Variants in MRPL47 observed in about 807,000 individuals in gnomAD.
MRPL47 encodes the protein large ribosomal subunit protein uL29m.
Under a neutral mutation model 34.0 loss-of-function variants are expected in MRPL47, and 31 were observed. The ratio of observed to expected loss-of-function variants is 0.91; its 90% CI spans 0.68 to 1.23. The LOEUF (loss-of-function observed/expected upper bound fraction) is 1.23. Ranked by LOEUF, MRPL47 falls within the 50% of genes most tolerant of loss-of-function variation. The pLI, the probability that MRPL47 is intolerant of heterozygous loss-of-function variation, is 0.00. For synonymous variants in MRPL47, 106 were observed against 101.6 expected, an observed-to-expected ratio of 1.04 and a Z score of -0.26; for missense variants, 328 against 285.8, an observed-to-expected ratio of 1.15 and a Z score of -1.07.
rs746088640 is a variant in MRPL47 at position 179,593,991 on chromosome 3, T to A, written c.403-96A>T. 2.9e-5 allele frequency: 34 copies of A among 1,156,262 alleles called. 1 individual carries two copies. In the Admixed American group the frequency reaches 6.0e-4, roughly 20 times the overall value. 71.6% of individuals were successfully genotyped at this position (1,156,262 alleles called of 1,614,324 possible). On this transcript the variant is annotated intron_variant, in intron 4 of 6. Coordinates refer to ENST00000476781, the MANE Select transcript of MRPL47 (RefSeq NM_020409.3). ...AAACACTTCTGCTACAGAAAACTTA[T>A]GAATATTTATGCCAAAGAACCACTC...
chr3:179,602,606 GGGGT>G, intron 2 of MRPL47, 42 bp downstream of exon 2: 1 of 866,102 alleles, frequency 1.2e-6, no homozygotes, highest in South Asian at 1.5e-5. Flanking sequence ...GGCGGGGGGG[GGGGT>G]TCCATAAATA....
chr3:179,598,232 C>G (rs746282810), intron 4 of MRPL47, among the ~76,000 whole-genome samples: 2 of 151,770 alleles, frequency 1.3e-5, no homozygotes, highest in Non-Finnish European at 2.9e-5. Context: ...ACCAAAGATA[C>G]AAAAATTAAC....
At chr3:179,591,109 C>A (rs1322991143) in intron 6 of MRPL47, among the ~76,000 whole-genome samples, 2 of 152,100 alleles carry the variant, frequency 1.3e-5, no homozygotes, top group Non-Finnish European at 2.9e-5. Context: ...GCGGGAAAAT[C>A]GGTTTCTGAG....
chr3:179,596,227 A>G (rs919047554), intron 4 of MRPL47, among the ~76,000 whole-genome samples: 1 of 152,196 alleles, frequency 6.6e-6, no homozygotes, highest in Non-Finnish European at 1.5e-5. Context: ...CTTCAACTGG[A>G]TATCAACTCA....
Position 179,594,135 on chromosome 3 carries a change from T to C in MRPL47, c.403-240A>G, listed in dbSNP as rs572646378. On this transcript the variant is annotated intron_variant, in intron 4 of 6. Transcript: ENST00000476781. The stretch of plus-strand genomic sequence containing the variant: ...TTAACTACAAATATATTTCCATTAG[T>C]TTTGTTTGGAGTGAGATACACTTAC... Among the ~76,000 whole-genome samples the C allele has an allele frequency of 3.3e-5, 5 of 152,344 alleles. No individual in the cohort carries two copies. The East Asian group carries it at 7.7e-4, about 24-fold the overall frequency.
intron 1 of MRPL47, 25 bp from the exon 2 acceptor site, chr3:179,602,822 G>T: frequency 6.4e-7 from 1 of 1,554,174 alleles, no homozygotes; most frequent in East Asian, 2.3e-5. Flanking sequence ...ACATAAACAA[G>T]TAAAAGTTTT....
In MRPL47 at chr3:179,588,326, T is replaced by G. The variant is rs1159488747; in HGVS notation, c.*546A>C. 4 of 239,506 alleles carry G rather than the reference T, an allele frequency of 1.7e-5. No individual in the cohort carries two copies. The highest frequency in any genetic ancestry group is 3.2e-5 in the Non-Finnish European group (4 of 126,818). 14.8% of individuals were successfully genotyped at this position (239,506 alleles called of 1,614,324 possible). A position where few individuals can be genotyped will look rare whatever the true frequency, so the allele number is the denominator to read the frequency against. On this transcript the variant is annotated 3_prime_UTR_variant, in exon 7 of 7. Transcript: ENST00000476781. ...CCAGTGGATTGGTAGAACTGCTTTT[T>G]ATTGACTAGTAAAAGTTACTGCCTA... is the stretch of plus-strand genomic sequence containing the variant.
intron 4 of MRPL47, 114 bp from the exon 5 acceptor site, chr3:179,594,009 A>ACTT: frequency 1.0e-6 from 1 of 966,664 alleles, no homozygotes; most frequent in Non-Finnish European, 1.5e-6. Flanking sequence ...TATGCCAAAG[A>ACTT]ACCACTCTGT....
chr3:179,604,187 T>C (rs1225250479), intron 1 of MRPL47, among the ~76,000 whole-genome samples: 3 of 152,164 alleles, frequency 2.0e-5, no homozygotes, highest in African/African-American at 7.2e-5. Context: ...CAGACTTGAG[T>C]ATCACAACAA....
rs1373570654 is a variant in MRPL47 at position 179,604,602 on chromosome 3, A to G, written c.23T>C (p.Leu8Pro). The change falls in exon 1 of 7, where the codon CTT becomes CCT. Residue 8 changes from leucine (L) to proline (P), a missense_variant. Leu to Pro is a moderately conservative substitution (Grantham distance 98). Transcript: ENST00000476781. ...GGCGGATGAAACTCTCCTACAAAGA[A>G]GGGCCAAACCGGCCGCAGCCATGTT... MAAAGLA[L>P]LCRRVSSALK... The G allele has an allele frequency of 6.2e-7, 1 of 1,614,248 alleles. No homozygotes were observed. The highest frequency in any genetic ancestry group is 1.1e-5 in the South Asian group (1 of 91,086).
chr3:179,589,164 ACAAGT>A (rs1718604690), intron 6 of MRPL47, among the ~76,000 whole-genome samples, 169 bp from the exon 7 acceptor site: 1 of 152,212 alleles, frequency 6.6e-6, no homozygotes. Flanking sequence ...GTAAACCTAC[ACAAGT>A]CAAGAGCATC....
intron 6 of MRPL47, among the ~76,000 whole-genome samples, chr3:179,591,657 A>G (rs912775928): frequency 6.6e-6 from 1 of 152,190 alleles, no homozygotes; most frequent in Non-Finnish European, 1.5e-5. Flanking sequence ...TCCTAGCGCC[A>G]TTTCTTTTCA....
At chr3:179,591,619 G>C (rs1482195596) in intron 6 of MRPL47, among the ~76,000 whole-genome samples, 1 of 152,126 alleles carries the variant, frequency 6.6e-6, no homozygotes, top group Non-Finnish European at 1.5e-5. Flanking sequence ...GACAACATGA[G>C]TTTAGATATA....
At chr3:179,591,556 C>T (rs1306974908) in intron 6 of MRPL47, among the ~76,000 whole-genome samples, 1 of 152,132 alleles carries the variant, frequency 6.6e-6, no homozygotes, top group African/African-American at 2.4e-5. Context: ...AATGATAAAC[C>T]TAATGCAGGA....
At chr3:179,602,557 C>A in intron 2 of MRPL47, 95 bp downstream of exon 2, 2 of 660,516 alleles carry the variant, frequency 3.0e-6, no homozygotes, top group Non-Finnish European at 4.9e-6. Flanking sequence ...TAAATAATTC[C>A]TAAACTGGAT....
chr3:179,597,652 C>G (rs1047133542), intron 4 of MRPL47, among the ~76,000 whole-genome samples: 1 of 152,026 alleles, frequency 6.6e-6, no homozygotes, highest in East Asian at 1.9e-4. Flanking sequence ...ATTAAAAATA[C>G]AAAAAATTAG....
intron 4 of MRPL47, among the ~76,000 whole-genome samples, chr3:179,597,216 C>T (rs554676092): frequency 3.3e-5 from 5 of 152,272 alleles, no homozygotes; most frequent in African/African-American, 9.6e-5. Flanking sequence ...TGTTATATAA[C>T]TCAACTTTCA....
chr3:179,594,610 G>A (rs1718753044), intron 4 of MRPL47, among the ~76,000 whole-genome samples: 1 of 152,102 alleles, frequency 6.6e-6, no homozygotes, highest in African/African-American at 2.4e-5. Flanking sequence ...AGCCTCCTGA[G>A]CAGCTGGGAT....
At chr3:179,598,429 C>CAAACA (rs1553779600) in intron 4 of MRPL47, among the ~76,000 whole-genome samples, 3 of 118,828 alleles carry the variant, frequency 2.5e-5, no homozygotes, top group African/African-American at 9.4e-5. Flanking sequence ...CACACACAAA[C>CAAACA]AAAAAAAAAA....
Sources: allele counts gnomAD v4.1 joint callset (sites outside exome capture counted in the v4.1 genomes callset), GRCh38; gene constraint gnomAD v4.1.1; transcripts MANE v1.5; gene names NCBI Gene and HGNC (gene_info 2026-07-23, HGNC 2026-07-21).